Variants in PTPRD observed in about 807,000 individuals in gnomAD.
The protein encoded by PTPRD is protein tyrosine phosphatase receptor type D, also known as receptor-type tyrosine-protein phosphatase delta.
A neutral mutation model predicts 214.5 loss-of-function variants in PTPRD; 34 were observed. The observed-to-expected ratio is 0.16, with a 90% CI of 0.12 to 0.21. The LOEUF (loss-of-function observed/expected upper bound fraction) is 0.21. Ranked by LOEUF, PTPRD falls within the 10% of genes least tolerant of loss-of-function variation. The pLI, the probability that PTPRD is intolerant of heterozygous loss-of-function variation, is 1.00. For synonymous variants in PTPRD, 1,128 were observed against 845.7 expected (o/e 1.33, Z -5.79); for missense variants, 2,545 against 2,398.7 (o/e 1.06, Z -1.27).
intron 11 of PTPRD, among the ~76,000 whole-genome samples, chr9:8,849,189 T>A (rs550023941): frequency 0.01 from 1,532 of 149,336 alleles, 20 homozygotes; most frequent in African/African-American, 0.037. Flanking sequence ...TTTTTTTTTT[T>A]TTTTGAGACG....
chr9:9,587,351 G>C (rs1392274153), intron 7 of PTPRD, among the ~76,000 whole-genome samples: 2 of 151,946 alleles, frequency 1.3e-5, no homozygotes, highest in African/African-American at 4.8e-5. Context: ...TAAGTGGTAG[G>C]CGCTTCTATT....
At chr9:8,904,243 C>T (rs986012573) in intron 11 of PTPRD, among the ~76,000 whole-genome samples, 3 of 152,136 alleles carry the variant, frequency 2.0e-5, no homozygotes, top group Admixed American at 6.6e-5. Flanking sequence ...GACATTCTTT[C>T]GTATAACCAC....
intron 11 of PTPRD, among the ~76,000 whole-genome samples, chr9:8,975,246 C>G (rs2099261989): frequency 6.6e-6 from 1 of 151,718 alleles, no homozygotes; most frequent in African/African-American, 2.4e-5. Context: ...TAGGAGATAC[C>G]AAAAAGTAAA....
At chr9:9,711,683 G>T (rs2097733411) in intron 7 of PTPRD, among the ~76,000 whole-genome samples, 1 of 152,156 alleles carries the variant, frequency 6.6e-6, no homozygotes, top group African/African-American at 2.4e-5. Flanking sequence ...TTGATGATCA[G>T]AACTGGCTAG....
At chr9:9,949,955 A>C (rs1045577914) in intron 4 of PTPRD, among the ~76,000 whole-genome samples, 1 of 152,178 alleles carries the variant, frequency 6.6e-6, no homozygotes, top group African/African-American at 2.4e-5. Context: ...TTTTTCTGTA[A>C]GTCAGTGTGA....
chr9:9,877,971 C>T (rs1344323584), intron 5 of PTPRD, among the ~76,000 whole-genome samples: 1 of 79,838 alleles, frequency 1.3e-5, no homozygotes, highest in East Asian at 6.0e-4. Context: ...AAAACTCCAT[C>T]TCAAAAAAAA....
At chr9:8,934,480 T>TATATATATAAAA (rs1555547166) in intron 11 of PTPRD, among the ~76,000 whole-genome samples, 6 of 8,068 alleles carry the variant, frequency 7.4e-4, no homozygotes, top group African/African-American at 2.3e-3. Flanking sequence ...TATATATAAA[T>TATATATATAAAA]ATATATATAT....
chr9:8,387,194 CAG>C (rs1249894500), intron 37 of PTPRD, among the ~76,000 whole-genome samples: 1 of 152,154 alleles, frequency 6.6e-6, no homozygotes, highest in Non-Finnish European at 1.5e-5. Flanking sequence ...AGGGAGCAAA[CAG>C]AGGTTCATTT....
intron 9 of PTPRD, among the ~76,000 whole-genome samples, chr9:9,186,138 T>C (rs965824093): frequency 1.3e-5 from 2 of 152,102 alleles, no homozygotes; most frequent in African/African-American, 2.4e-5. Context: ...TAAATTCTCA[T>C]GAACAGAAGA....
intron 7 of PTPRD, among the ~76,000 whole-genome samples, chr9:9,588,019 A>G (rs2092285839): frequency 1.3e-5 from 2 of 152,054 alleles, no homozygotes; most frequent in Admixed American, 6.6e-5. Flanking sequence ...ATACCAACAC[A>G]TAGAAATAAT....
intron 2 of PTPRD, among the ~76,000 whole-genome samples, chr9:10,541,476 TAA>T (rs1370593297): frequency 1.3e-5 from 2 of 152,218 alleles, no homozygotes; most frequent in African/African-American, 2.4e-5. Flanking sequence ...TGTTGATTAT[TAA>T]AGAGTAAAAA....
chr9:8,839,915 T>C (rs2097525891), intron 11 of PTPRD, among the ~76,000 whole-genome samples: 1 of 152,192 alleles, frequency 6.6e-6, no homozygotes, highest in Non-Finnish European at 1.5e-5. Flanking sequence ...ATAACTGATG[T>C]ACTGAATAGC....
chr9:9,374,208 C>T (rs1017437340), intron 9 of PTPRD, among the ~76,000 whole-genome samples: 3 of 151,752 alleles, frequency 2.0e-5, no homozygotes, highest in Admixed American at 2.0e-4. Flanking sequence ...TGATAGACTG[C>T]AAAATTCTAG....
chr9:9,359,620 T>A (rs189829085), intron 9 of PTPRD, among the ~76,000 whole-genome samples: 1 of 151,416 alleles, frequency 6.6e-6, no homozygotes, highest in East Asian at 2.0e-4. Flanking sequence ...CACATGGAGA[T>A]GTGGTATGAA....
At chr9:9,584,143 T>C (rs1011289504) in intron 7 of PTPRD, among the ~76,000 whole-genome samples, 2 of 151,928 alleles carry the variant, frequency 1.3e-5, no homozygotes, top group African/African-American at 2.4e-5. Context: ...AGCTTCATTT[T>C]AGTAATACTA....
In PTPRD at chr9:9,908,669, A is replaced by T. The variant is rs117938519; in HGVS notation, c.-368+29838T>A. ...ATACTTTCTATCCATTTGCTATTTA[A>T]TATGTGAGTTTTCTGTTCTTTATCT... On this transcript the variant is annotated intron_variant, in intron 5 of 45. Transcript: ENST00000381196. Among the ~76,000 whole-genome samples, 270 of 152,096 alleles carry T rather than the reference A, an allele frequency of 1.8e-3. 1 individual carries two copies. Among genetic ancestry groups the T allele is most frequent in the South Asian group, 8.9e-3 (43 of 4,818 alleles).
chr9:10,608,962 C>A (rs948658183), intron 2 of PTPRD, among the ~76,000 whole-genome samples: 1 of 152,072 alleles, frequency 6.6e-6, no homozygotes, highest in African/African-American at 2.4e-5. Context: ...AAAGAAATTG[C>A]ACTTTAATAC....
intron 10 of PTPRD, among the ~76,000 whole-genome samples, chr9:9,085,999 A>T (rs1342996406): frequency 6.6e-6 from 1 of 152,190 alleles, no homozygotes; most frequent in African/African-American, 2.4e-5. Flanking sequence ...ACAAAAGTGA[A>T]TACATATGCA....
intron 6 of PTPRD, among the ~76,000 whole-genome samples, chr9:9,749,717 T>C (rs1174050748): frequency 6.6e-6 from 1 of 152,154 alleles, no homozygotes; most frequent in African/African-American, 2.4e-5. Flanking sequence ...CAGGAAGAGA[T>C]TTATATTAAG....
Sources: gnomAD v4.1 joint callset for allele counts (sites outside exome capture counted in the v4.1 genomes callset) on GRCh38, gnomAD v4.1.1 for gene constraint, MANE v1.5 for transcripts, NCBI Gene and HGNC (gene_info 2026-07-23, HGNC 2026-07-21) for gene names.